LIPE: variants seen among roughly 807,000 people sequenced by gnomAD.
The protein encoded by LIPE is lipase E, hormone sensitive type.
LIPE carries 66 observed loss-of-function variants against 88.5 expected under a neutral mutation model. The observed-to-expected ratio is 0.75, with a 90% CI of 0.61 to 0.91. The LOEUF is 0.91. Ranked by LOEUF, LIPE falls within the 40% of genes least tolerant of loss-of-function variation. LIPE has a pLI of 0.00. For synonymous variants in LIPE, 570 were observed against 617.5 expected (o/e 0.92, Z 1.14); for missense variants, 1,346 against 1,434.7 (o/e 0.94, Z 1.00).
intron 1 of LIPE, among the ~76,000 whole-genome samples, chr19:42,411,781 C>A (rs2040382401): frequency 6.6e-6 from 1 of 152,210 alleles, no homozygotes; most frequent in South Asian, 2.1e-4. Flanking sequence ...GCTCCCCTGC[C>A]TGGAACAGCG....
Position 42,407,725 on chromosome 19 carries a change from A to T in LIPE, c.1723T>A (p.Phe575Ile), listed in dbSNP as rs142087188. 49 of 1,572,898 alleles carry T rather than the reference A, an allele frequency of 3.1e-5. No individual in the cohort carries two copies. In the African/African-American group the frequency reaches 4.4e-4, roughly 14 times the overall value. ...SRLLSLPPEA[F>I]EMPLTADPTL... is the part of the protein sequence containing the mutation. ...GGGTCGGCAGTCAGTGGCATCTCAA[A>T]GGCTTCGGGTGGCAGGCTGAGCAGG... The change falls in exon 5 of 10, where the codon TTT becomes ATT. Residue 575 changes from phenylalanine to isoleucine, a missense_variant. Physicochemically the swap from Phe to Ile is conservative, Grantham distance 21. Transcript: ENST00000244289. The surrounding 1 kb of genome is among the most constrained non-coding windows in gnomAD (Gnocchi z 5.8).
At position 42,408,192 on chromosome 19, in the gene LIPE, C is replaced by T. The variant is rs759844483; in HGVS notation, c.1510+40G>A. On this transcript the variant is annotated intron_variant, in intron 3 of 9. Coordinates refer to ENST00000244289, the MANE Select transcript of LIPE (RefSeq NM_005357.4). This position sits in a 1 kb window ranked among gnomAD's most constrained non-coding sequence, Gnocchi z 4.3. The stretch of plus-strand genomic sequence containing the variant: ...CTTGGGCAGGAGTGGGGAGGAGGGC[C>T]AAGAGAGTAGGCTGCGAGTAGAACC... 8.1e-6 allele frequency: 13 copies of T among 1,613,616 alleles called. No individual in the cohort carries two copies. Among genetic ancestry groups the T allele is most frequent in the Middle Eastern group, 1.6e-4 (1 of 6,084 alleles).
At chr19:42,421,701 G>C (rs1203250138) in intron 1 of LIPE, among the ~76,000 whole-genome samples, 1 of 152,218 alleles carries the variant, frequency 6.6e-6, no homozygotes, top group Non-Finnish European at 1.5e-5. Context: ...AGGCGGCCTT[G>C]GTCCCTCAGA....
chr19:42,405,698 A>G, intron 7 of LIPE, 137 bp from the exon 8 acceptor site: 13 of 826,196 alleles, frequency 1.6e-5, no homozygotes, highest in Non-Finnish European at 2.2e-5. Flanking sequence ...GGCTGGGCGC[A>G]GTGGCTCACG....
chr19:42,417,026 T>C (rs2040501822), intron 1 of LIPE, among the ~76,000 whole-genome samples: 1 of 152,222 alleles, frequency 6.6e-6, no homozygotes. Flanking sequence ...GTTCACGCCA[T>C]TCTCCTGCCT....
At position 42,406,173 on chromosome 19, in the gene LIPE, T is replaced by C; in HGVS notation, c.2353A>G (p.Ser785Gly). Reference sequence around the variant, plus strand: ...GTGTGGGCCTCACCAGCATAGGCGCTGACACACTTGGAGAGCACACTGAGG... The same window carrying C: ...GTGTGGGCCTCACCAGCATAGGCGCCGACACACTTGGAGAGCACACTGAGG... ...LPLSVLSKCV[S>G]AYAGAKTEDH... Residue 785 changes from serine (S) to glycine (G), a missense_variant, in exon 7 of 10, where the codon AGC becomes GGC. Ser to Gly is a moderately conservative substitution (Grantham distance 56). Coordinates refer to ENST00000244289, the MANE Select transcript of LIPE (RefSeq NM_005357.4). This position sits in a 1 kb window ranked among gnomAD's most constrained non-coding sequence, Gnocchi z 5.7. 1.2e-6 allele frequency: 2 copies of C among 1,607,596 alleles called. No individual in the cohort carries two copies. Among genetic ancestry groups the C allele is most frequent in the Non-Finnish European group, 1.7e-6 (2 of 1,174,812 alleles).
rs1450166553 is a variant in LIPE at position 42,402,050 on chromosome 19, T to C, written c.2993A>G (p.Asp998Gly). 47 of 1,519,426 alleles carry C rather than the reference T, an allele frequency of 3.1e-5. No homozygotes were observed. The highest frequency in any genetic ancestry group is 4.0e-5 in the Non-Finnish European group (45 of 1,132,628). The allele number at this position is 1,519,426 out of a possible 1,614,324, so 94.1% of individuals were successfully genotyped here. A position where few individuals can be genotyped will look rare whatever the true frequency, so the allele number is the denominator to read the frequency against. The change falls in exon 10 of 10, where the codon GAC (aspartate) becomes GGC (glycine). Residue 998 changes from aspartate (D) to glycine (G), a missense_variant. Asp to Gly is a moderately conservative substitution (Grantham distance 94, BLOSUM62 -1). Coordinates refer to ENST00000244289, the MANE Select transcript of LIPE (RefSeq NM_005357.4). ...IVACALDPMLDDSVMLARRLR... is the reference protein window; with the variant it reads ...IVACALDPMLGDSVMLARRLR... ...TCGCCGCGCGAGCATGACCGAGTCG[T>C]CCAGCATGGGGTCCAGCGCGCACGC...
At chr19:42,421,221 C>T (rs2040592048) in intron 1 of LIPE, among the ~76,000 whole-genome samples, 1 of 152,140 alleles carries the variant, frequency 6.6e-6, no homozygotes, top group Non-Finnish European at 1.5e-5. Context: ...TCTTAAACTG[C>T]CTGCCCTGTT....
intron 7 of LIPE, chr19:42,405,858 G>C (rs988683566): frequency 1.9e-6 from 1 of 539,692 alleles, no homozygotes; most frequent in Admixed American, 3.3e-5. Context: ...TACTTGGGAA[G>C]CTGAGGCAGG....
intron 1 of LIPE, among the ~76,000 whole-genome samples, chr19:42,413,527 A>G (rs1424874118): frequency 3.3e-5 from 5 of 152,096 alleles, no homozygotes; most frequent in Non-Finnish European, 2.9e-5. Flanking sequence ...TTAGCCGGGC[A>G]TGGTGGTGGG....
intron 1 of LIPE, chr19:42,423,742 C>T (rs1183036669): frequency 8.9e-7 from 1 of 1,128,358 alleles, no homozygotes; most frequent in Non-Finnish European, 1.1e-6. Flanking sequence ...TCTGGCTCCG[C>T]CCCCTACCGC....
chr19:42,410,547 A>G lies in LIPE; in HGVS notation c.1179T>C (p.Tyr393=), dbSNP rs2040343641. 1 of 1,612,748 alleles carries G rather than the reference A, an allele frequency of 6.2e-7. No individual in the cohort carries two copies. Among genetic ancestry groups the G allele is most frequent in the Non-Finnish European group, 8.5e-7 (1 of 1,179,946 alleles). Residue 393 remains tyrosine (Y), a synonymous_variant, in exon 2 of 10, where the codon TAT becomes TAC. Transcript: ENST00000244289. The surrounding 1 kb of genome is among the most constrained non-coding windows in gnomAD (Gnocchi z 6.1). The part of the protein sequence containing the change: ...CLAHLLHKSR[Y]VASNRRSIFF... ...AGATGCTGCGGCGGTTGGAGGCCACATAGCGGGATTTGTGCAGGAGGTGCG... is the reference window on the plus strand; with the variant it reads ...AGATGCTGCGGCGGTTGGAGGCCACGTAGCGGGATTTGTGCAGGAGGTGCG...
Position 42,401,849 on chromosome 19 carries a change from G to GC in LIPE, c.3193dup (p.Ala1065GlyfsTer26). The GC allele has an allele frequency of 3.1e-6, 3 of 971,456 alleles. No homozygotes were observed. The highest frequency in any genetic ancestry group is 3.5e-4 in the Middle Eastern group (1 of 2,886). 60.2% of individuals were successfully genotyped at this position (971,456 alleles called of 1,614,324 possible). A position where few individuals can be genotyped will look rare whatever the true frequency, so the allele number is the denominator to read the frequency against. Reference sequence around the variant, plus strand: ...CCCGCAGCCCCCGTCTACCCCCGCAGCCCCCGTCTCCCCGCTCGGCCCGGC... The same window carrying GC: ...CCCGCAGCCCCCGTCTACCCCCGCAGCCCCCCGTCTCCCCGCTCGGCCCGGC... On this transcript the variant is annotated frameshift_variant, in exon 10 of 10. Coordinates refer to ENST00000244289, the MANE Select transcript of LIPE (RefSeq NM_005357.4). LOFTEE classifies it high-confidence loss of function.
chr19:42,412,285 G>A (rs1478680861), intron 1 of LIPE: 2 of 985,458 alleles, frequency 2.0e-6, no homozygotes, highest in Non-Finnish European at 2.4e-6. Context: ...TGTTCCCCTA[G>A]AAGAAGGTAT....
chr19:42,401,712 T>G lies in LIPE; in HGVS notation c.*100A>C. ...GCTTTCGGGCCCCCGCCCCGCCCCCTTGCCACCCCCGACTTAAGTAAGGCA... is the reference window on the plus strand; with the variant it reads ...GCTTTCGGGCCCCCGCCCCGCCCCCGTGCCACCCCCGACTTAAGTAAGGCA... On this transcript the variant is annotated 3_prime_UTR_variant, in exon 10 of 10. Coordinates refer to ENST00000244289, the MANE Select transcript of LIPE (RefSeq NM_005357.4). The G allele has an allele frequency of 2.3e-4, 8 of 34,570 alleles. No homozygotes were observed. Among genetic ancestry groups the G allele is most frequent in the Non-Finnish European group, 3.9e-4 (7 of 18,162 alleles). 2.1% of individuals were successfully genotyped at this position (34,570 alleles called of 1,614,324 possible). A position where few individuals can be genotyped will look rare whatever the true frequency, so the allele number is the denominator to read the frequency against.
At chr19:42,423,577 C>A (rs2040645906) in intron 1 of LIPE, 1 of 1,218,934 alleles carries the variant, frequency 8.2e-7, no homozygotes, top group Admixed American at 3.2e-5. Flanking sequence ...ATTCCAGCCG[C>A]GAGGCCCTGC....
At position 42,402,868 on chromosome 19, in the gene LIPE, GC is replaced by G. The variant is rs754123128; in HGVS notation, c.2705del (p.Ser902ThrfsTer27). 5.0e-6 allele frequency: 8 copies of G among 1,613,874 alleles called. No homozygotes were observed. In the East Asian group the frequency reaches 1.8e-4, roughly 36 times the overall value. On this transcript the variant is annotated frameshift_variant, in exon 9 of 10. Transcript: ENST00000244289. LOFTEE classifies it high-confidence loss of function. ...AGTTGACATCGGAGGGTGTGGAGGG[GC>G]TAAGTGTCTCAGCTGACAGCGACAT... ...PEMSLSAETL[S>X]PSTPSDVNFL...
At chr19:42,411,370 T>C (rs2040370918) in intron 1 of LIPE, 1 of 980,108 alleles carries the variant, frequency 1.0e-6, no homozygotes, top group Non-Finnish European at 1.2e-6. Flanking sequence ...CAAGACTCCT[T>C]CTCCTAGATT....
chr19:42,406,166 T>C lies in LIPE; in HGVS notation c.2360A>G (p.Tyr787Cys), dbSNP rs2040176641. Residue 787 changes from tyrosine to cysteine, a missense_variant, in exon 7 of 10, where the codon TAT (tyrosine) becomes TGT (cysteine). Physicochemically the swap from Tyr to Cys is radical, Grantham distance 194. Transcript: ENST00000244289. The surrounding 1 kb of genome is among the most constrained non-coding windows in gnomAD (Gnocchi z 5.7). ...LSVLSKCVSA[Y>C]AGAKTEDHSN... ...GCTGAGGGTGTGGGCCTCACCAGCA[T>C]AGGCGCTGACACACTTGGAGAGCAC... 3 of 1,605,204 alleles carry C rather than the reference T, an allele frequency of 1.9e-6. No individual in the cohort carries two copies. Among genetic ancestry groups the C allele is most frequent in the Non-Finnish European group, 1.7e-6 (2 of 1,173,018 alleles).
Sources: allele counts gnomAD v4.1 joint callset (sites outside exome capture counted in the v4.1 genomes callset), GRCh38; gene constraint gnomAD v4.1.1; non-coding constraint Gnocchi (gnomAD v3.1); transcripts MANE v1.5; gene names NCBI Gene and HGNC (gene_info 2026-07-23, HGNC 2026-07-21).